The following LRRC4C variants were observed in gnomAD, a reference collection of about 807,000 sequenced individuals.
The protein encoded by LRRC4C is leucine-rich repeat-containing protein 4C.
In LRRC4C, 5 loss-of-function variants were observed where a neutral mutation model predicts 33.6. The observed-to-expected ratio is 0.15, with a 90% CI of 0.08 to 0.31. The LOEUF (loss-of-function observed/expected upper bound fraction) is 0.31. LRRC4C is among the 10% of genes least tolerant of loss of function. The pLI is 1.00. For missense variants in LRRC4C, 560 were observed against 796.7 expected, an observed-to-expected ratio of 0.70 and a Z score of 3.58; for synonymous variants, 329 against 302.0, an observed-to-expected ratio of 1.09 and a Z score of -0.93.
intron 1 of LRRC4C, among the ~76,000 whole-genome samples, chr11:41,331,610 C>A (rs1027853127): frequency 1.3e-5 from 2 of 152,180 alleles, no homozygotes; most frequent in African/African-American, 2.4e-5. Context: ...CAACTCAAGG[C>A]ACTTGCTTTA....
At chr11:40,356,346 TAA>T (rs1165357041) in intron 3 of LRRC4C, among the ~76,000 whole-genome samples, 3 of 152,192 alleles carry the variant, frequency 2.0e-5, no homozygotes, top group Non-Finnish European at 4.4e-5. Flanking sequence ...CACAAGCACT[TAA>T]AGGATTACGT....
At chr11:41,385,155 G>A (rs1044254097) in intron 1 of LRRC4C, among the ~76,000 whole-genome samples, 31 of 151,046 alleles carry the variant, frequency 2.1e-4, no homozygotes, top group African/African-American at 7.5e-4. Flanking sequence ...AGTTAAATTA[G>A]TGTCAATTGG....
chr11:40,220,831 C>A (rs745484642), intron 5 of LRRC4C, among the ~76,000 whole-genome samples: 15 of 151,054 alleles, frequency 9.9e-5, no homozygotes, highest in Admixed American at 2.6e-4. Context: ...TATTTTGGTG[C>A]ATTTTAAAAT....
chr11:40,503,238 C>T (rs1402648865), intron 3 of LRRC4C, among the ~76,000 whole-genome samples: 1 of 152,164 alleles, frequency 6.6e-6, no homozygotes, highest in Non-Finnish European at 1.5e-5. Flanking sequence ...CTACAGACCC[C>T]AGGACAGAAT....
chr11:40,588,411 T>A (rs549200847), intron 3 of LRRC4C, among the ~76,000 whole-genome samples: 2 of 152,134 alleles, frequency 1.3e-5, no homozygotes, highest in Non-Finnish European at 1.5e-5. Flanking sequence ...ATTTTGTTGA[T>A]CCTTTCAAAA....
chr11:40,392,413 T>C (rs761748582), intron 3 of LRRC4C, among the ~76,000 whole-genome samples: 9 of 152,134 alleles, frequency 5.9e-5, no homozygotes, highest in Non-Finnish European at 4.4e-5. Flanking sequence ...ACTGTGTATA[T>C]GGTATGGAAG....
At chr11:40,906,525 G>GACAAACAA (rs113656683) in intron 2 of LRRC4C, among the ~76,000 whole-genome samples, 2 of 151,898 alleles carry the variant, frequency 1.3e-5, no homozygotes, top group African/African-American at 4.8e-5. Context: ...CAAACAAACA[G>GACAAACAA]ACAAACAAAC....
intron 2 of LRRC4C, among the ~76,000 whole-genome samples, chr11:40,856,225 A>G (rs745669478): frequency 3.3e-5 from 5 of 152,192 alleles, no homozygotes; most frequent in Non-Finnish European, 7.4e-5. Context: ...TGAAAATGGA[A>G]GCAATCTAGA....
At chr11:40,329,653 T>C (rs1247623638) in intron 3 of LRRC4C, among the ~76,000 whole-genome samples, 1 of 152,170 alleles carries the variant, frequency 6.6e-6, no homozygotes, top group Non-Finnish European at 1.5e-5. Flanking sequence ...AGACTGTCGT[T>C]GAAGGTAATC....
chr11:40,414,184 A>G (rs1950245671), intron 3 of LRRC4C, among the ~76,000 whole-genome samples: 1 of 152,122 alleles, frequency 6.6e-6, no homozygotes, highest in Non-Finnish European at 1.5e-5. Flanking sequence ...GACTTACATG[A>G]CTGGATGGCT....
intron 1 of LRRC4C, among the ~76,000 whole-genome samples, chr11:40,938,680 T>A (rs889678414): frequency 3.3e-5 from 5 of 152,174 alleles, no homozygotes; most frequent in Non-Finnish European, 7.4e-5. Flanking sequence ...GTGAAGTGAT[T>A]GGTCCAGGTC....
chr11:40,547,967 A>G (rs1956991520), intron 3 of LRRC4C, among the ~76,000 whole-genome samples: 1 of 152,110 alleles, frequency 6.6e-6, no homozygotes, highest in South Asian at 2.1e-4. Flanking sequence ...CTCTATTCCC[A>G]TAAGGCTTTT....
chr11:41,106,581 A>C (rs1389726772), intron 1 of LRRC4C, among the ~76,000 whole-genome samples: 3 of 152,074 alleles, frequency 2.0e-5, no homozygotes, highest in Non-Finnish European at 4.4e-5. Context: ...ACCAAAACCC[A>C]TTCATTACGT....
chr11:41,319,084 G>T (rs1446176148), intron 1 of LRRC4C, among the ~76,000 whole-genome samples: 1 of 152,136 alleles, frequency 6.6e-6, no homozygotes, highest in Non-Finnish European at 1.5e-5. Context: ...ATGTTCTCTG[G>T]CAGTCTTGAG....
At chr11:41,177,233 A>C (rs1215277496) in intron 1 of LRRC4C, among the ~76,000 whole-genome samples, 1 of 152,184 alleles carries the variant, frequency 6.6e-6, no homozygotes, top group Non-Finnish European at 1.5e-5. Context: ...TGAGTGGTAC[A>C]AGAAGAGTGT....
At chr11:40,452,754 C>G (rs548943357) in intron 3 of LRRC4C, among the ~76,000 whole-genome samples, 1 of 152,132 alleles carries the variant, frequency 6.6e-6, no homozygotes, top group Non-Finnish European at 1.5e-5. Context: ...CAGCACTATT[C>G]ACAATAGTAA....
At chr11:41,022,714 T>C (rs1355498762) in intron 1 of LRRC4C, among the ~76,000 whole-genome samples, 2 of 151,990 alleles carry the variant, frequency 1.3e-5, no homozygotes, top group East Asian at 1.9e-4. Context: ...ATTTCAAATT[T>C]AGGAAAAGAA....
intron 1 of LRRC4C, among the ~76,000 whole-genome samples, chr11:41,183,528 G>C (rs962688603): frequency 6.6e-6 from 1 of 152,116 alleles, no homozygotes; most frequent in African/African-American, 2.4e-5. Context: ...TCACACCCAG[G>C]TCATGCTGGT....
intron 1 of LRRC4C, among the ~76,000 whole-genome samples, chr11:41,277,042 A>C (rs1949506961): frequency 6.6e-6 from 1 of 152,350 alleles, no homozygotes; most frequent in Non-Finnish European, 1.5e-5. Context: ...ACAGATGTTA[A>C]GAATCATGAG....
Sources: gnomAD v4.1 joint callset for allele counts (sites outside exome capture counted in the v4.1 genomes callset) on GRCh38, gnomAD v4.1.1 for gene constraint, MANE v1.5 for transcripts, NCBI Gene and HGNC (gene_info 2026-07-23, HGNC 2026-07-21) for gene names.